C1QTNF3: variants seen among roughly 807,000 people sequenced by gnomAD.
C1QTNF3 encodes C1q and TNF related 3, also known as complement C1q tumor necrosis factor-related protein 3.
Under a neutral mutation model 32.6 loss-of-function variants are expected in C1QTNF3, and 26 were observed. That is an observed-to-expected ratio of 0.80 (90% CI 0.58 to 1.11). The LOEUF (loss-of-function observed/expected upper bound fraction) is 1.11, where lower values mean the gene tolerates loss of function less well. C1QTNF3 is among the 50% of genes least tolerant of loss of function. C1QTNF3 has a pLI of 0.00. For missense variants in C1QTNF3, 362 were observed against 398.2 expected (o/e 0.91, Z 0.77); for synonymous variants, 155 against 146.0 (o/e 1.06, Z -0.44).
At chr5:34,159,889 A>G in the C1QTNF3 span, among the ~76,000 whole-genome samples, 1 of 152,050 alleles carries the variant, frequency 6.6e-6, no homozygotes, top group African/African-American at 2.4e-5. Context: ...TGTGAGAAAG[A>G]TTCCAAGTAA....
rs906973761 is a variant in C1QTNF3, at chr5:34,017,997, T to C, written c.*2586A>G. 1.4e-5 allele frequency among the ~76,000 whole-genome samples: 2 copies of C among 147,168 alleles called. No homozygotes were observed. Among genetic ancestry groups the C allele is most frequent in the African/African-American group, 5.4e-5 (2 of 36,764 alleles). ...TTAAAATTATGTTTTCAAATTGTCC[T>C]TAGTAGCATTTGAGAGTGTTCTTAA... On this transcript the variant is annotated 3_prime_UTR_variant, in exon 6 of 6. Transcript: ENST00000382065.
the C1QTNF3 span, among the ~76,000 whole-genome samples, chr5:34,224,631 C>A: frequency 6.6e-6 from 1 of 152,014 alleles, no homozygotes; most frequent in Non-Finnish European, 1.5e-5. Context: ...CCCTTCCTTA[C>A]ACCTTATACA....
chr5:34,103,585 G>C, the C1QTNF3 span, among the ~76,000 whole-genome samples: 3 of 130,740 alleles, frequency 2.3e-5, no homozygotes, highest in Non-Finnish European at 4.8e-5. Context: ...TTGGGAGGCC[G>C]AGGTGGGAGG....
At chr5:34,028,136 C>T (rs1754522099) in intron 4 of C1QTNF3, among the ~76,000 whole-genome samples, 1 of 152,158 alleles carries the variant, frequency 6.6e-6, no homozygotes, top group Non-Finnish European at 1.5e-5. Flanking sequence ...CCACGCCCGG[C>T]TAATATTTTG....
At chr5:34,060,079 G>A in the C1QTNF3 span, among the ~76,000 whole-genome samples, 1 of 152,200 alleles carries the variant, frequency 6.6e-6, no homozygotes, top group Admixed American at 6.5e-5. Context: ...TGCACAGAAT[G>A]TTACTAGTGT....
the C1QTNF3 span, among the ~76,000 whole-genome samples, chr5:34,177,480 C>CTTTTTTT: frequency 4.7e-5 from 4 of 84,636 alleles, no homozygotes; most frequent in Non-Finnish European, 6.4e-5. Context: ...CCATACCCAA[C>CTTTTTTT]TTTTTTTTTT....
the C1QTNF3 span, among the ~76,000 whole-genome samples, chr5:34,052,542 G>C: frequency 6.6e-6 from 1 of 152,228 alleles, no homozygotes; most frequent in Non-Finnish European, 1.5e-5. Context: ...ACCTGAGTTT[G>C]AGTTCCATCT....
chr5:34,211,890 T>A, the C1QTNF3 span, among the ~76,000 whole-genome samples: 1 of 152,034 alleles, frequency 6.6e-6, no homozygotes, highest in African/African-American at 2.4e-5. Flanking sequence ...CTTCACAGAA[T>A]TGGAAATAAC....
chr5:34,203,098 A>G, the C1QTNF3 span, among the ~76,000 whole-genome samples: 1 of 152,226 alleles, frequency 6.6e-6, no homozygotes, highest in Admixed American at 6.5e-5. Context: ...CAAACACAAA[A>G]ATGAAAGGTC....
chr5:34,071,148 C>T, the C1QTNF3 span, among the ~76,000 whole-genome samples: 1 of 152,192 alleles, frequency 6.6e-6, no homozygotes, highest in Non-Finnish European at 1.5e-5. Context: ...AACATTAAAG[C>T]TTATTTTCCA....
chr5:34,244,721 T>G, the C1QTNF3 span: 3 of 151,996 alleles, frequency 2.0e-5, no homozygotes, highest in Admixed American at 6.5e-5. Context: ...TGGCTTTGCC[T>G]AGTGCATCCC....
the C1QTNF3 span, among the ~76,000 whole-genome samples, chr5:34,237,911 C>T: frequency 1.3e-5 from 2 of 152,142 alleles, no homozygotes; most frequent in East Asian, 3.8e-4. Context: ...ATAGAGCACA[C>T]CTGCAAACAA....
the C1QTNF3 span, among the ~76,000 whole-genome samples, chr5:34,079,594 C>A: frequency 1.9e-4 from 29 of 151,778 alleles, 1 homozygote; most frequent in African/African-American, 6.8e-4. Context: ...ATAAAATATT[C>A]TTCAGCGTTA....
At chr5:34,171,604 G>C in the C1QTNF3 span, among the ~76,000 whole-genome samples, 1 of 152,110 alleles carries the variant, frequency 6.6e-6, no homozygotes, top group Non-Finnish European at 1.5e-5. Flanking sequence ...CATTTAGGAA[G>C]ACAGCTGATA....
the C1QTNF3 span, among the ~76,000 whole-genome samples, chr5:34,098,328 G>T: frequency 6.7e-6 from 1 of 148,900 alleles, no homozygotes; most frequent in African/African-American, 2.5e-5. Flanking sequence ...TGCAAGTTAA[G>T]CAAGTTAAGT....
chr5:34,197,633 A>G, the C1QTNF3 span, among the ~76,000 whole-genome samples: 1 of 152,034 alleles, frequency 6.6e-6, no homozygotes, highest in Non-Finnish European at 1.5e-5. Flanking sequence ...GGTGGTTCTG[A>G]CTCGAAGTCT....
the C1QTNF3 span, among the ~76,000 whole-genome samples, chr5:34,164,139 T>C: frequency 2.6e-5 from 4 of 152,142 alleles, no homozygotes; most frequent in African/African-American, 7.2e-5. Context: ...CATTAAACAC[T>C]AAGCAAATGC....
At chr5:34,031,332 A>G (rs953733047) in intron 3 of C1QTNF3, among the ~76,000 whole-genome samples, 45 of 152,216 alleles carry the variant, frequency 3.0e-4, no homozygotes, top group Admixed American at 2.1e-3. Context: ...GACAAATTTA[A>G]TAATTGCCCA....
At chr5:34,142,354 C>G in the C1QTNF3 span, among the ~76,000 whole-genome samples, 1 of 151,758 alleles carries the variant, frequency 6.6e-6, no homozygotes, top group African/African-American at 2.4e-5. Flanking sequence ...AACGCTTGAA[C>G]CTGGGAGGCA....
Sources: gnomAD v4.1 joint callset for allele counts (sites outside exome capture counted in the v4.1 genomes callset) on GRCh38, gnomAD v4.1.1 for gene constraint, MANE v1.5 for transcripts, NCBI Gene and HGNC (gene_info 2026-07-23, HGNC 2026-07-21) for gene names.